The following OTOGL variants were observed in gnomAD, a reference collection of about 807,000 sequenced individuals.
OTOGL encodes the protein otogelin-like protein.
In OTOGL, 285 loss-of-function variants were observed where a neutral mutation model predicts 318.5. The ratio of observed to expected loss-of-function variants is 0.89; its 90% CI spans 0.81 to 0.99. The LOEUF is 0.99. Among genes scored for constraint, OTOGL ranks in the 50% least tolerant of loss-of-function variants. The pLI is 0.00. For synonymous variants in OTOGL, 987 were observed against 936.5 expected (o/e 1.05, Z -0.99); for missense variants, 2,899 against 2,845.6 (o/e 1.02, Z -0.43).
At position 80,377,945 on chromosome 12, in the gene OTOGL, A is replaced by G; in HGVS notation, c.6959A>G (p.Asn2320Ser). 1 of 1,609,846 alleles carries G rather than the reference A, an allele frequency of 6.2e-7. No individual in the cohort carries two copies. Reference sequence around the variant, plus strand: ...AGATTCTGCAAGTGTTGTCGTGAAAATGGAGTACGAAACTTGTCTGTGCCT... The same window carrying G: ...AGATTCTGCAAGTGTTGTCGTGAAAGTGGAGTACGAAACTTGTCTGTGCCT... The part of the protein sequence containing the change: ...HLRFCKCCRE[N>S]GVRNLSVPLY... The change falls in exon 59 of 59, where the codon AAT becomes AGT. Residue 2320 changes from asparagine to serine, a missense_variant. This residue lies in a region of OTOGL where 289 missense variants were observed against 304.6 expected (regional missense o/e 0.95). Coordinates refer to ENST00000547103, the MANE Select transcript of OTOGL (RefSeq NM_001378609.3).
intron 48 of OTOGL, 125 bp downstream of exon 48, chr12:80,356,645 TAATTTTTTA>T (rs1889920394): frequency 2.5e-6 from 2 of 807,680 alleles, no homozygotes; most frequent in East Asian, 6.0e-5. Flanking sequence ...CTTGTCTTGC[TAATTTTTTA>T]AACCTGGTAT....
At chr12:80,308,452 G>A (rs1394184285) in intron 29 of OTOGL, among the ~76,000 whole-genome samples, 4 of 151,996 alleles carry the variant, frequency 2.6e-5, no homozygotes, top group African/African-American at 9.6e-5. Flanking sequence ...ATGTGATGGC[G>A]GCCGGGAAGA....
intron 44 of OTOGL, among the ~76,000 whole-genome samples, chr12:80,351,290 GTTTTTT>G (rs367974556): frequency 1.3e-5 from 2 of 149,096 alleles, no homozygotes; most frequent in African/African-American, 4.9e-5. Context: ...TTGCCATTGT[GTTTTTT>G]TTTTTTTTTT....
chr12:80,370,580 C>T lies in OTOGL; in HGVS notation c.6626C>T (p.Thr2209Ile), dbSNP rs146572555. ...CTTTTTGATTTTTAGGTAGGGAGTA[C>T]CTGGCACTACAATTGCACCACATAT... ...GTSVVYAVGSTWHYNCTTYEC... is the reference protein window; with the variant it reads ...GTSVVYAVGSIWHYNCTTYEC... The change falls in exon 56 of 59, where the codon ACC becomes ATC. Residue 2209 changes from threonine (T) to isoleucine (I), a missense_variant. Around this residue, in one of 3 missense-constraint regions of OTOGL, gnomAD observed 289 missense variants for 304.6 expected, o/e 0.95. Coordinates refer to ENST00000547103, the MANE Select transcript of OTOGL (RefSeq NM_001378609.3). 7.7e-4 allele frequency: 1,183 copies of T among 1,534,932 alleles called. 8 individuals are homozygous for T. In the Middle Eastern group the frequency reaches 8.0e-3, roughly 10 times the overall value.
chr12:80,260,491 A>G (rs1882438878), intron 18 of OTOGL, among the ~76,000 whole-genome samples: 1 of 152,140 alleles, frequency 6.6e-6, no homozygotes, highest in African/African-American at 2.4e-5. Flanking sequence ...TAGGTGTGAT[A>G]AGAGTGCAAG....
intron 44 of OTOGL, among the ~76,000 whole-genome samples, chr12:80,351,984 G>A (rs936706496): frequency 7.2e-5 from 11 of 152,144 alleles, no homozygotes; most frequent in Non-Finnish European, 1.6e-4. Flanking sequence ...CTCTTATTCA[G>A]TATATGGAAA....
At chr12:80,128,580 C>A (rs1871017080) in intron 1 of OTOGL, among the ~76,000 whole-genome samples, 1 of 152,174 alleles carries the variant, frequency 6.6e-6, no homozygotes, top group African/African-American at 2.4e-5. Flanking sequence ...CAGACAGGGA[C>A]ATTTAAGTCT....
At chr12:80,318,850 A>C (rs914087727) in intron 33 of OTOGL, 137 bp downstream of exon 33, 1 of 593,192 alleles carries the variant, frequency 1.7e-6, no homozygotes, top group African/African-American at 1.9e-5. Context: ...ATAAAATATA[A>C]CATTGGCATA....
chr12:80,332,048 C>T (rs146988812), intron 37 of OTOGL, among the ~76,000 whole-genome samples: 1 of 152,186 alleles, frequency 6.6e-6, no homozygotes, highest in Non-Finnish European at 1.5e-5. Flanking sequence ...CTGGAAGAGA[C>T]CAGGAAACAG....
intron 1 of OTOGL, among the ~76,000 whole-genome samples, chr12:80,170,265 T>C (rs1175687190): frequency 6.6e-6 from 1 of 151,672 alleles, no homozygotes; most frequent in Non-Finnish European, 1.5e-5. Flanking sequence ...GTGTGTTGTT[T>C]TTTAGCTATT....
chr12:80,306,144 G>A (rs191345728), intron 29 of OTOGL, among the ~76,000 whole-genome samples: 171 of 152,302 alleles, frequency 1.1e-3, no homozygotes, highest in African/African-American at 4.0e-3. Flanking sequence ...GGAGACACGT[G>A]TATATGTGTG....
At chr12:80,229,879 A>G (rs1290399935) in intron 8 of OTOGL, among the ~76,000 whole-genome samples, 1 of 152,138 alleles carries the variant, frequency 6.6e-6, no homozygotes, top group Non-Finnish European at 1.5e-5. Flanking sequence ...ACTGAGAGCC[A>G]ACAACTGCCT....
At chr12:80,259,530 C>T (rs372229943) in intron 18 of OTOGL, among the ~76,000 whole-genome samples, 2 of 152,132 alleles carry the variant, frequency 1.3e-5, no homozygotes, top group East Asian at 3.9e-4. Context: ...TCTTCCTCCC[C>T]TAGCCCCACA....
intron 1 of OTOGL, among the ~76,000 whole-genome samples, chr12:80,121,636 G>C (rs886426834): frequency 1.3e-5 from 2 of 152,074 alleles, no homozygotes; most frequent in Non-Finnish European, 2.9e-5. Context: ...TTTTCTAATT[G>C]GCCAAGTAAA....
At chr12:80,149,999 G>A (rs1872680909) in intron 1 of OTOGL, among the ~76,000 whole-genome samples, 1 of 152,192 alleles carries the variant, frequency 6.6e-6, no homozygotes, top group African/African-American at 2.4e-5. Context: ...TGGAAATGCA[G>A]AAATCACCCA....
chr12:80,343,059 A>G (rs957032897), intron 44 of OTOGL, among the ~76,000 whole-genome samples: 1 of 152,000 alleles, frequency 6.6e-6, no homozygotes, highest in African/African-American at 2.4e-5. Context: ...TATTTTTAGT[A>G]CAGGCGGGAT....
At chr12:80,282,594 G>A (rs1224565011) in intron 26 of OTOGL, among the ~76,000 whole-genome samples, 1 of 151,532 alleles carries the variant, frequency 6.6e-6, no homozygotes, top group Non-Finnish European at 1.5e-5. Flanking sequence ...GCACACTAAA[G>A]AATACATTCT....
chr12:80,186,975 T>C (rs1469520413), intron 1 of OTOGL, among the ~76,000 whole-genome samples: 4 of 152,136 alleles, frequency 2.6e-5, no homozygotes, highest in Non-Finnish European at 5.9e-5. Context: ...TCCCATATTA[T>C]CTAGCTTCAA....
chr12:80,195,744 A>C (rs1286974903), intron 1 of OTOGL, among the ~76,000 whole-genome samples: 5 of 152,144 alleles, frequency 3.3e-5, no homozygotes, highest in Admixed American at 3.3e-4. Flanking sequence ...TGGCTCCTGA[A>C]TGCCCATTAT....
Sources: allele counts gnomAD v4.1 joint callset (sites outside exome capture counted in the v4.1 genomes callset), GRCh38; gene constraint gnomAD v4.1.1; regional missense constraint gnomAD v4.1.1; transcripts MANE v1.5; gene names NCBI Gene and HGNC (gene_info 2026-07-23, HGNC 2026-07-21).